The following ZSCAN25 variants were observed in gnomAD, a reference collection of about 807,000 sequenced individuals.
The protein encoded by ZSCAN25 is zinc finger and SCAN domain containing 25.
ZSCAN25 carries 27 observed loss-of-function variants against 38.7 expected under a neutral mutation model. That is an observed-to-expected ratio of 0.70 (90% CI 0.51 to 0.96). ZSCAN25 has a LOEUF of 0.96. Among genes scored for constraint, ZSCAN25 ranks in the 40% least tolerant of loss-of-function variants. ZSCAN25 has a pLI of 0.00. For synonymous variants in ZSCAN25, 273 were observed against 277.7 expected, an observed-to-expected ratio of 0.98 and a Z score of 0.17; for missense variants, 637 against 705.9, an observed-to-expected ratio of 0.90 and a Z score of 1.11.
chr7:99,731,712 C>T, the ZSCAN25 span, among the ~76,000 whole-genome samples: 131 of 152,292 alleles, frequency 8.6e-4, 1 homozygote, highest in African/African-American at 2.9e-3. Context: ...TAGGATCTGG[C>T]CCTTCTTAAA....
At chr7:99,689,946 C>G in the ZSCAN25 span, among the ~76,000 whole-genome samples, 4 of 152,200 alleles carry the variant, frequency 2.6e-5, no homozygotes, top group Non-Finnish European at 5.9e-5. Context: ...TTGGAAAAAA[C>G]TACTTTAAAG....
the ZSCAN25 span, chr7:99,677,254 A>T: frequency 2.0e-6 from 2 of 985,318 alleles, no homozygotes; most frequent in Non-Finnish European, 2.4e-6. Flanking sequence ...GGAAGAAGAG[A>T]GGCTGAAGGA....
the ZSCAN25 span, among the ~76,000 whole-genome samples, chr7:99,725,456 A>G: frequency 6.6e-6 from 1 of 152,208 alleles, no homozygotes; most frequent in Admixed American, 6.5e-5. Context: ...ACCCAAGACC[A>G]TGTCTCCAGC....
At chr7:99,627,180 C>G (rs1271726462) in intron 7 of ZSCAN25, among the ~76,000 whole-genome samples, 1 of 152,176 alleles carries the variant, frequency 6.6e-6, no homozygotes, top group Non-Finnish European at 1.5e-5. Context: ...CTCAATCTTT[C>G]ATTTGTAAAT....
the ZSCAN25 span, among the ~76,000 whole-genome samples, chr7:99,699,798 A>G: frequency 5.3e-5 from 8 of 152,220 alleles, no homozygotes; most frequent in African/African-American, 1.9e-4. Context: ...TTATTTCTTC[A>G]TAAATCTGCA....
At chr7:99,656,207 G>T in the ZSCAN25 span, among the ~76,000 whole-genome samples, 1 of 152,136 alleles carries the variant, frequency 6.6e-6, no homozygotes, top group Admixed American at 6.5e-5. Context: ...TATGATATTG[G>T]CTGTGGGTTT....
At position 99,629,083 on chromosome 7, in the gene ZSCAN25, G is replaced by GCC; in HGVS notation, c.806-108_806-107insCC. 6.9e-7 allele frequency: 1 copy of GCC among 1,459,376 alleles called. No homozygotes were observed. 90.4% of individuals were successfully genotyped at this position (1,459,376 alleles called of 1,614,324 possible). On this transcript the variant is annotated intron_variant, in intron 7 of 7. Coordinates refer to ENST00000394152, the MANE Select transcript of ZSCAN25 (RefSeq NM_145115.3). The surrounding 1 kb of genome is among the most constrained non-coding windows in gnomAD (Gnocchi z 5.6). ...GCCTGAGTTGAGGTTGTTGGTCAAA[G>GCC]GAAAAAAGAGAAGGAACCATGAATG...
the ZSCAN25 span, among the ~76,000 whole-genome samples, chr7:99,722,101 T>C: frequency 1.3e-5 from 2 of 152,316 alleles, no homozygotes; most frequent in African/African-American, 2.4e-5. Flanking sequence ...ACATAGCTTA[T>C]AATGGCACAC....
chr7:99,695,076 G>C, the ZSCAN25 span, among the ~76,000 whole-genome samples: 2 of 151,980 alleles, frequency 1.3e-5, no homozygotes, highest in African/African-American at 4.8e-5. Flanking sequence ...TCCCTGCTCA[G>C]ACTCACCCAT....
chr7:99,690,743 A>G, the ZSCAN25 span, among the ~76,000 whole-genome samples: 2 of 152,258 alleles, frequency 1.3e-5, no homozygotes, highest in East Asian at 3.9e-4. Flanking sequence ...CCACAATGAG[A>G]TACCATCTCA....
the ZSCAN25 span, chr7:99,648,184 AC>A: frequency 7.0e-7 from 1 of 1,433,548 alleles, no homozygotes; most frequent in African/African-American, 1.4e-5. Flanking sequence ...ATCACCAACT[AC>A]TCATGCAGTA....
chr7:99,629,714 G>A lies in ZSCAN25; in HGVS notation c.1329G>A (p.Arg443=). The A allele has an allele frequency of 2.5e-6, 4 of 1,614,040 alleles. No homozygotes were observed. The highest frequency in any genetic ancestry group is 3.4e-6 in the Non-Finnish European group (4 of 1,180,010). ...ACTGCTGGAAGAGCTTCAGCCGCAG[G>A]CAGCACCTGCAGGTGCACCGGAGGA... ...CGDCWKSFSR[R]QHLQVHRRTH... The change falls in exon 8 of 8, where the codon AGG becomes AGA. Residue 443 remains arginine (R), a synonymous_variant. Coordinates refer to ENST00000394152, the MANE Select transcript of ZSCAN25 (RefSeq NM_145115.3). This position sits in a 1 kb window ranked among gnomAD's most constrained non-coding sequence, Gnocchi z 5.6.
chr7:99,708,897 A>G, the ZSCAN25 span: 1 of 1,022,940 alleles, frequency 9.8e-7, no homozygotes. Flanking sequence ...ACAATGATCA[A>G]TTTCATGATT....
At chr7:99,701,867 A>G in the ZSCAN25 span, among the ~76,000 whole-genome samples, 1 of 152,128 alleles carries the variant, frequency 6.6e-6, no homozygotes, top group Non-Finnish European at 1.5e-5. Flanking sequence ...AGAGTGTTTG[A>G]AAATATTTTC....
In ZSCAN25 at chr7:99,632,071, C is replaced by G; in HGVS notation, c.*2051C>G. On this transcript the variant is annotated 3_prime_UTR_variant, in exon 8 of 8. Transcript: ENST00000394152. ...ACCTGAATCACAGATGCTCTTTTGT[C>G]ATACACAGCCAGCATTCCTCTGGGT... The G allele has an allele frequency of 1.0e-6, 1 of 985,422 alleles. No individual in the cohort carries two copies. 61.0% of individuals were successfully genotyped at this position (985,422 alleles called of 1,614,324 possible).
At chr7:99,660,214 CTTTTTT>C in the ZSCAN25 span, 456 of 429,414 alleles carry the variant, frequency 1.1e-3, no homozygotes, top group South Asian at 1.3e-3. Context: ...CGCCACACTC[CTTTTTT>C]TTTTTTTTTT....
the ZSCAN25 span, chr7:99,660,193 G>A: frequency 1.0e-6 from 1 of 984,946 alleles, no homozygotes. Flanking sequence ...GTTCCTGTTT[G>A]GCCATCTTCT....
At chr7:99,681,580 A>T in the ZSCAN25 span, among the ~76,000 whole-genome samples, 1 of 152,220 alleles carries the variant, frequency 6.6e-6, no homozygotes, top group Non-Finnish European at 1.5e-5. Flanking sequence ...GCACCTTATC[A>T]TATGCCTATG....
At chr7:99,641,686 G>A in the ZSCAN25 span, among the ~76,000 whole-genome samples, 6 of 152,122 alleles carry the variant, frequency 3.9e-5, no homozygotes, top group Admixed American at 2.0e-4. Context: ...ACCCTCTAAT[G>A]CCCCAGTTGC....
Sources: gnomAD v4.1 joint callset for allele counts (sites outside exome capture counted in the v4.1 genomes callset) on GRCh38, gnomAD v4.1.1 for gene constraint, Gnocchi (gnomAD v3.1) non-coding constraint, MANE v1.5 for transcripts, NCBI Gene and HGNC (gene_info 2026-07-23, HGNC 2026-07-21) for gene names.